The following GHR variants were observed in gnomAD, a reference collection of about 807,000 sequenced individuals.
The protein encoded by GHR is growth hormone receptor.
A neutral mutation model predicts 67.1 loss-of-function variants in GHR; 35 were observed. The ratio of observed to expected loss-of-function variants is 0.52; its 90% CI spans 0.40 to 0.69. GHR has a LOEUF of 0.69. GHR is among the 30% of genes least tolerant of loss of function. GHR has a pLI of 0.00. For synonymous variants in GHR, 272 were observed against 269.1 expected (o/e 1.01, Z -0.10); for missense variants, 792 against 764.6 (o/e 1.04, Z -0.42).
At chr5:42,620,239 G>T (rs981398081) in intron 2 of GHR, among the ~76,000 whole-genome samples, 5 of 151,854 alleles carry the variant, frequency 3.3e-5, no homozygotes, top group Admixed American at 2.6e-4. Flanking sequence ...AGACTTCAGA[G>T]AACTCAAAAT....
At chr5:42,594,764 A>G (rs202215186) in intron 2 of GHR, among the ~76,000 whole-genome samples, 1 of 152,134 alleles carries the variant, frequency 6.6e-6, no homozygotes, top group Non-Finnish European at 1.5e-5. Context: ...AAGACTCCAA[A>G]GAGCTTTTGT....
At chr5:42,428,555 G>C (rs1031847638) in intron 1 of GHR, among the ~76,000 whole-genome samples, 4 of 152,088 alleles carry the variant, frequency 2.6e-5, no homozygotes, top group African/African-American at 9.7e-5. Context: ...CTTTTCTATG[G>C]CATCATCAGC....
At chr5:42,622,759 C>T (rs1316533105) in intron 2 of GHR, among the ~76,000 whole-genome samples, 6 of 152,190 alleles carry the variant, frequency 3.9e-5, no homozygotes, top group Non-Finnish European at 2.9e-5. Flanking sequence ...AACATTGATT[C>T]TCCTACTCTT....
intron 1 of GHR, among the ~76,000 whole-genome samples, chr5:42,488,436 T>C (rs906897805): frequency 1.3e-5 from 2 of 152,210 alleles, no homozygotes; most frequent in Non-Finnish European, 2.9e-5. Context: ...GCACAATTAC[T>C]GTATTCTTAT....
At chr5:42,616,087 G>A (rs886705229) in intron 2 of GHR, among the ~76,000 whole-genome samples, 1 of 151,960 alleles carries the variant, frequency 6.6e-6, no homozygotes. Flanking sequence ...GGGGATCTTG[G>A]TGGCCATGAT....
chr5:42,580,195 A>T (rs1283368285), intron 2 of GHR, among the ~76,000 whole-genome samples: 1 of 152,130 alleles, frequency 6.6e-6, no homozygotes, highest in African/African-American at 2.4e-5. Flanking sequence ...ATACTTAAAA[A>T]ACTGTAATTT....
At chr5:42,591,139 A>G (rs1012450837) in intron 2 of GHR, among the ~76,000 whole-genome samples, 1 of 152,212 alleles carries the variant, frequency 6.6e-6, no homozygotes, top group Middle Eastern at 3.2e-3. Context: ...AACACAGGGA[A>G]CCCTGCAAGT....
intron 3 of GHR, among the ~76,000 whole-genome samples, chr5:42,684,255 A>C (rs1468319984): frequency 6.6e-6 from 1 of 152,244 alleles, no homozygotes; most frequent in Non-Finnish European, 1.5e-5. Flanking sequence ...TCTACTAAGG[A>C]AATCAAGACC....
chr5:42,439,816 A>T (rs1743490347), intron 1 of GHR, among the ~76,000 whole-genome samples: 1 of 152,246 alleles, frequency 6.6e-6, no homozygotes, highest in Admixed American at 6.5e-5. Context: ...AGTATTCAGA[A>T]TGACTGTAAA....
At chr5:42,538,512 A>G (rs569821710) in intron 1 of GHR, among the ~76,000 whole-genome samples, 2 of 152,328 alleles carry the variant, frequency 1.3e-5, no homozygotes, top group South Asian at 4.1e-4. Flanking sequence ...GCCCAATCTT[A>G]TCTAGCTTGC....
intron 1 of GHR, among the ~76,000 whole-genome samples, chr5:42,447,940 T>TA (rs1194560804): frequency 6.6e-6 from 1 of 151,848 alleles, no homozygotes; most frequent in Non-Finnish European, 1.5e-5. Flanking sequence ...TTTTCTATCT[T>TA]TAGTAGAGAT....
At chr5:42,579,149 G>C (rs199714232) in intron 2 of GHR, among the ~76,000 whole-genome samples, 2 of 55,918 alleles carry the variant, frequency 3.6e-5, no homozygotes, top group African/African-American at 1.7e-4. Context: ...ATGATAGATA[G>C]ATATAGATAG....
rs1759023275 is a variant in GHR at position 42,721,545 on chromosome 5, T to A, written c.*2121T>A. 1 of 152,666 alleles carries A rather than the reference T, an allele frequency of 6.6e-6. No homozygotes were observed. The highest frequency in any genetic ancestry group is 2.1e-4 in the South Asian group (1 of 4,834). 9.5% of individuals were successfully genotyped at this position (152,666 alleles called of 1,614,324 possible). On this transcript the variant is annotated 3_prime_UTR_variant, in exon 10 of 10. Transcript: ENST00000230882. The stretch of plus-strand genomic sequence containing the variant: ...GCTATGGTTTTCTCCAAGAGCTACA[T>A]AATTTAGTTTCATATAAAGTATCAT...
At chr5:42,474,606 C>G (rs997450261) in intron 1 of GHR, among the ~76,000 whole-genome samples, 4 of 152,148 alleles carry the variant, frequency 2.6e-5, no homozygotes, top group African/African-American at 9.6e-5. Context: ...ATGGAAGATA[C>G]TGTTTGAACA....
chr5:42,697,973 C>A (rs1027796357), intron 5 of GHR, among the ~76,000 whole-genome samples: 2 of 152,028 alleles, frequency 1.3e-5, no homozygotes, highest in Non-Finnish European at 2.9e-5. Flanking sequence ...CTTGAAAGTA[C>A]AGCTGACGGA....
intron 3 of GHR, among the ~76,000 whole-genome samples, chr5:42,640,563 T>C (rs997508027): frequency 1.3e-5 from 2 of 151,996 alleles, no homozygotes; most frequent in African/African-American, 4.8e-5. Flanking sequence ...CCAAAACTTA[T>C]CTCCTATATA....
At chr5:42,713,242 G>A (rs1460455190) in intron 7 of GHR, among the ~76,000 whole-genome samples, 187 bp from the exon 8 acceptor site, 5 of 151,968 alleles carry the variant, frequency 3.3e-5, no homozygotes, top group Admixed American at 6.6e-5. Flanking sequence ...TTGAAAAGTG[G>A]ACAGAGATGT....
chr5:42,622,859 C>T (rs1580074593), intron 2 of GHR, among the ~76,000 whole-genome samples: 1 of 152,142 alleles, frequency 6.6e-6, no homozygotes. Flanking sequence ...ATCCCCTACT[C>T]CACCAACTCA....
chr5:42,440,242 A>C (rs1350590669), intron 1 of GHR, among the ~76,000 whole-genome samples: 1 of 152,238 alleles, frequency 6.6e-6, no homozygotes, highest in Non-Finnish European at 1.5e-5. Flanking sequence ...GAAAGGCATT[A>C]ACCAAGTATA....
Sources: gnomAD v4.1 joint callset for allele counts (sites outside exome capture counted in the v4.1 genomes callset) on GRCh38, gnomAD v4.1.1 for gene constraint, MANE v1.5 for transcripts, NCBI Gene and HGNC (gene_info 2026-07-23, HGNC 2026-07-21) for gene names.